MRPS31: variants seen among roughly 807,000 people sequenced by gnomAD.
MRPS31 encodes mitochondrial ribosomal protein S31.
Under a neutral mutation model 43.1 loss-of-function variants are expected in MRPS31, and 32 were observed. The observed-to-expected ratio is 0.74, with a 90% CI of 0.56 to 1.00. The LOEUF (loss-of-function observed/expected upper bound fraction) is 1.00. Ranked by LOEUF, MRPS31 falls within the 50% of genes least tolerant of loss-of-function variation. MRPS31 has a pLI of 0.00. For synonymous variants in MRPS31, 165 were observed against 161.6 expected (o/e 1.02, Z -0.16); for missense variants, 437 against 466.7 (o/e 0.94, Z 0.59).
intron 6 of MRPS31, among the ~76,000 whole-genome samples, chr13:40,745,153 C>T (rs1566106838): frequency 6.6e-6 from 1 of 151,564 alleles, no homozygotes; most frequent in South Asian, 2.1e-4. Flanking sequence ...AACTCCTAAC[C>T]TCAACTGATC....
At chr13:40,759,127 C>A in intron 2 of MRPS31, 21 bp from the exon 3 acceptor site, 2 of 1,544,734 alleles carry the variant, frequency 1.3e-6, no homozygotes, top group Admixed American at 2.0e-5. Flanking sequence ...AAATGAAAAA[C>A]AAATGAGAAA....
At chr13:40,756,041 C>CT (rs1225696415) in intron 4 of MRPS31, among the ~76,000 whole-genome samples, 1 of 152,194 alleles carries the variant, frequency 6.6e-6, no homozygotes, top group African/African-American at 2.4e-5. Context: ...CCGGTGTTAA[C>CT]TGCTGACCAC....
intron 6 of MRPS31, among the ~76,000 whole-genome samples, chr13:40,731,710 T>C (rs574663332): frequency 1.3e-5 from 2 of 152,236 alleles, no homozygotes; most frequent in South Asian, 4.1e-4. Flanking sequence ...GCACAGTGGA[T>C]ATAAAAACAT....
chr13:40,766,973 A>G lies in MRPS31; in HGVS notation c.213T>C (p.Asp71=). 1 of 1,614,104 alleles carries G rather than the reference A, an allele frequency of 6.2e-7. No individual in the cohort carries two copies. The highest frequency in any genetic ancestry group is 2.2e-5 in the East Asian group (1 of 44,874). The change falls in exon 2 of 7, where the codon GAT becomes GAC. Residue 71 remains aspartate, a synonymous_variant. Transcript: ENST00000323563. ...TCTCCTCAGTTCGAACAGACTGCTT[A>G]TCTTTCTTGCTACAGATCACACTGT... The part of the protein sequence containing the change: ...GTNSVICSKK[D]KQSVRTEETS...
intron 6 of MRPS31, among the ~76,000 whole-genome samples, chr13:40,743,601 T>C (rs1342267451): frequency 6.6e-6 from 1 of 152,026 alleles, no homozygotes; most frequent in East Asian, 1.9e-4. Context: ...ATATGAAAAA[T>C]GCTCATTATC....
At chr13:40,744,219 G>A (rs1169047405) in intron 6 of MRPS31, among the ~76,000 whole-genome samples, 1 of 152,172 alleles carries the variant, frequency 6.6e-6, no homozygotes, top group Non-Finnish European at 1.5e-5. Context: ...GGTGGGAGGA[G>A]AATGAAGATT....
At chr13:40,750,097 G>A (rs1201289830) in intron 5 of MRPS31, among the ~76,000 whole-genome samples, 4 of 152,282 alleles carry the variant, frequency 2.6e-5, no homozygotes, top group Middle Eastern at 3.4e-3. Context: ...ATAGCCAAAT[G>A]TGGGTTGTAA....
intron 1 of MRPS31, among the ~76,000 whole-genome samples, chr13:40,769,480 A>AGAAAATGGCAATTTTT (rs1458724765): frequency 2.0e-5 from 3 of 148,130 alleles, no homozygotes; most frequent in Non-Finnish European, 3.0e-5. Flanking sequence ...TACATGAAAG[A>AGAAAATGGCAATTTTT]GAAAATGGCA....
intron 6 of MRPS31, among the ~76,000 whole-genome samples, chr13:40,735,686 T>C (rs1284794811): frequency 1.3e-5 from 2 of 151,918 alleles, no homozygotes; most frequent in African/African-American, 4.8e-5. Flanking sequence ...CACCTCACAC[T>C]GCAGGGTACT....
intron 3 of MRPS31, among the ~76,000 whole-genome samples, chr13:40,757,371 T>C (rs1339263296): frequency 1.3e-5 from 2 of 152,148 alleles, no homozygotes; most frequent in Non-Finnish European, 2.9e-5. Flanking sequence ...TATTTATTTG[T>C]TGCTTTTTAT....
At chr13:40,759,881 T>C (rs548539368) in intron 2 of MRPS31, among the ~76,000 whole-genome samples, 1 of 152,310 alleles carries the variant, frequency 6.6e-6, no homozygotes, top group South Asian at 2.1e-4. Context: ...AATTGTGATA[T>C]ATCCATACAA....
In MRPS31 at chr13:40,756,920, G is replaced by A. The variant is rs1880544141; in HGVS notation, c.693C>T (p.Gly231=). Residue 231 remains glycine, a synonymous_variant, in exon 4 of 7, where the codon GGC becomes GGT. Transcript: ENST00000323563. ...TCTCCTGGCCAGGATAATTGTCATA[G>A]CCTTCATCAAACTGAATCCGAAGCT... is the stretch of plus-strand genomic sequence containing the variant. ...RPELRIQFDE[G]YDNYPGQEKT... The A allele has an allele frequency of 6.2e-7, 1 of 1,613,862 alleles. No individual in the cohort carries two copies. Among genetic ancestry groups the A allele is most frequent in the East Asian group, 2.2e-5 (1 of 44,866 alleles).
At chr13:40,742,568 C>T (rs1451499814) in intron 6 of MRPS31, among the ~76,000 whole-genome samples, 1 of 152,162 alleles carries the variant, frequency 6.6e-6, no homozygotes, top group African/African-American at 2.4e-5. Flanking sequence ...ATACTCTTTA[C>T]GCTTCCCCTA....
chr13:40,744,779 A>T (rs1265928033), intron 6 of MRPS31, among the ~76,000 whole-genome samples: 3 of 150,912 alleles, frequency 2.0e-5, no homozygotes, highest in Admixed American at 6.6e-5. Flanking sequence ...ACACCTGGCT[A>T]ATTTTTGCAT....
At chr13:40,760,466 G>T (rs1880664207) in intron 2 of MRPS31, among the ~76,000 whole-genome samples, 1 of 152,100 alleles carries the variant, frequency 6.6e-6, no homozygotes, top group South Asian at 2.1e-4. Context: ...GTTGATCACT[G>T]TTGAAGCTGG....
intron 6 of MRPS31, among the ~76,000 whole-genome samples, chr13:40,746,448 C>T (rs1411469461): frequency 6.6e-6 from 1 of 152,084 alleles, no homozygotes; most frequent in Non-Finnish European, 1.5e-5. Flanking sequence ...TACTGATCAC[C>T]TCTTTTCCAA....
intron 4 of MRPS31, among the ~76,000 whole-genome samples, chr13:40,756,166 A>C (rs1226499375): frequency 2.6e-5 from 4 of 152,244 alleles, no homozygotes; most frequent in African/African-American, 9.6e-5. Flanking sequence ...AAAACACTCC[A>C]GTTGTGAGCA....
intron 6 of MRPS31, among the ~76,000 whole-genome samples, chr13:40,744,172 G>C (rs970691069): frequency 6.6e-6 from 1 of 152,158 alleles, no homozygotes; most frequent in Admixed American, 6.5e-5. Flanking sequence ...ACACAAAGAA[G>C]GGAATGACAG....
intron 5 of MRPS31, among the ~76,000 whole-genome samples, chr13:40,751,079 T>C (rs1271534047): frequency 6.6e-6 from 1 of 152,212 alleles, no homozygotes; most frequent in Non-Finnish European, 1.5e-5. Context: ...TCTGAATCTA[T>C]TTCTATGAGC....
Sources: allele counts gnomAD v4.1 joint callset (sites outside exome capture counted in the v4.1 genomes callset), GRCh38; gene constraint gnomAD v4.1.1; transcripts MANE v1.5; gene names NCBI Gene and HGNC (gene_info 2026-07-23, HGNC 2026-07-21).